The following SDC2 variants were observed in gnomAD, a reference collection of about 807,000 sequenced individuals.
The protein encoded by SDC2 is syndecan 2.
Under a neutral mutation model 22.2 loss-of-function variants are expected in SDC2, and 13 were observed. The ratio of observed to expected loss-of-function variants is 0.59; its 90% CI spans 0.38 to 0.93. SDC2 has a LOEUF of 0.93. Among genes scored for constraint, SDC2 ranks in the 40% least tolerant of loss-of-function variants. The pLI, the probability that SDC2 is intolerant of heterozygous loss-of-function variation, is 0.00. For missense variants in SDC2, 235 were observed against 246.8 expected (o/e 0.95, Z 0.32); for synonymous variants, 94 against 92.8 (o/e 1.01, Z -0.07).
At chr8:96,537,853 A>G (rs1813778258) in intron 1 of SDC2, among the ~76,000 whole-genome samples, 1 of 152,234 alleles carries the variant, frequency 6.6e-6, no homozygotes, top group African/African-American at 2.4e-5. Context: ...TCCTGACTTC[A>G]GGCCTAATTG....
At chr8:96,507,344 C>T (rs2515127) in intron 1 of SDC2, among the ~76,000 whole-genome samples, 111,002 of 152,192 alleles carry the variant, frequency 0.73, 40,936 homozygotes, top group African/African-American at 0.82. Context: ...ACATGTTTGA[C>T]AAATAAATGA....
At chr8:96,533,240 G>A (rs181505578) in intron 1 of SDC2, among the ~76,000 whole-genome samples, 4 of 152,248 alleles carry the variant, frequency 2.6e-5, no homozygotes, top group East Asian at 3.9e-4. Context: ...AGGGGGACCC[G>A]AGCAGGTTCC....
intron 1 of SDC2, among the ~76,000 whole-genome samples, chr8:96,565,531 A>G (rs1453089807): frequency 6.6e-6 from 1 of 152,196 alleles, no homozygotes; most frequent in Non-Finnish European, 1.5e-5. Flanking sequence ...ATCTATATGT[A>G]TATGTATTAG....
intron 1 of SDC2, among the ~76,000 whole-genome samples, chr8:96,510,270 C>T (rs1156989443): frequency 1.3e-5 from 2 of 152,142 alleles, no homozygotes; most frequent in South Asian, 2.1e-4. Context: ...TCTTACCGTA[C>T]CTGCACTTAA....
chr8:96,519,336 A>T (rs1476730263), intron 1 of SDC2, among the ~76,000 whole-genome samples: 1 of 152,182 alleles, frequency 6.6e-6, no homozygotes, highest in East Asian at 1.9e-4. Context: ...GTATTAGTAC[A>T]ATTGATTAGT....
At chr8:96,540,165 A>G (rs1267018027) in intron 1 of SDC2, among the ~76,000 whole-genome samples, 2 of 151,472 alleles carry the variant, frequency 1.3e-5, no homozygotes, top group African/African-American at 4.9e-5. Context: ...AAGAAAGAAA[A>G]AAAAAAGCCC....
intron 2 of SDC2, among the ~76,000 whole-genome samples, chr8:96,596,318 C>A (rs1048095519): frequency 6.6e-6 from 1 of 152,176 alleles, no homozygotes; most frequent in Non-Finnish European, 1.5e-5. Flanking sequence ...AGGGTTTGGC[C>A]AGTGTACCAG....
chr8:96,523,988 C>G (rs1813538124), intron 1 of SDC2, among the ~76,000 whole-genome samples: 1 of 152,138 alleles, frequency 6.6e-6, no homozygotes. Context: ...AAAAAGAAGT[C>G]CAGTCCAGGA....
chr8:96,598,243 A>G (rs1430283175), intron 2 of SDC2, among the ~76,000 whole-genome samples: 3 of 151,228 alleles, frequency 2.0e-5, no homozygotes, highest in African/African-American at 7.3e-5. Flanking sequence ...TCTTCTTAAT[A>G]CTATTGCATT....
In SDC2 at chr8:96,548,503, A is replaced by G. The variant is rs78741633; in HGVS notation, c.61-44977A>G. ...AAGGGTCAAAGAGAAAGTTCATTCT[A>G]AGAGTCACAGATGCTTTTTGCTGCA... is the stretch of plus-strand genomic sequence containing the variant. On this transcript the variant is annotated intron_variant, in intron 1 of 4. Transcript: ENST00000302190. 7.9e-5 allele frequency among the ~76,000 whole-genome samples: 12 copies of G among 152,348 alleles called. No homozygotes were observed. In the East Asian group the frequency reaches 2.3e-3, roughly 29 times the overall value.
chr8:96,609,305 G>T, intron 4 of SDC2, 80 bp from the exon 5 acceptor site: 1 of 1,168,114 alleles, frequency 8.6e-7, no homozygotes, highest in South Asian at 2.0e-5. Context: ...AAAAGTGTAA[G>T]TAGATTAGGC....
chr8:96,552,239 A>G (rs1161764113), intron 1 of SDC2, among the ~76,000 whole-genome samples: 1 of 152,074 alleles, frequency 6.6e-6, no homozygotes, highest in Non-Finnish European at 1.5e-5. Flanking sequence ...TAAAACCATA[A>G]CTTGTTTTTA....
At chr8:96,593,680 G>T in intron 2 of SDC2, 89 bp downstream of exon 2, 1 of 848,104 alleles carries the variant, frequency 1.2e-6, no homozygotes, top group East Asian at 2.5e-5. Flanking sequence ...GAGACAGGCA[G>T]GATGCACAGT....
rs74385761 is a variant in SDC2, at chr8:96,610,217, C to T, written c.*669C>T. 3 of 152,596 alleles carry T rather than the reference C, an allele frequency of 2.0e-5. No homozygotes were observed. The East Asian group carries it at 5.8e-4, about 30-fold the overall frequency. 9.5% of individuals were successfully genotyped at this position (152,596 alleles called of 1,614,324 possible). ...TAAAATTGGATTATTACTACAAAAC[C>T]GTTTAGTCATATCTATCTAATCAGA... On this transcript the variant is annotated 3_prime_UTR_variant, in exon 5 of 5. Transcript: ENST00000302190.
intron 2 of SDC2, among the ~76,000 whole-genome samples, chr8:96,601,201 G>A (rs1488011451): frequency 6.6e-6 from 1 of 152,146 alleles, no homozygotes; most frequent in African/African-American, 2.4e-5. Context: ...GTGCCATTGG[G>A]TGCTGTGGAT....
intron 2 of SDC2, among the ~76,000 whole-genome samples, chr8:96,595,327 G>T (rs1250431889): frequency 7.8e-6 from 1 of 127,926 alleles, no homozygotes; most frequent in East Asian, 1.9e-4. Flanking sequence ...CAGAAAGTCT[G>T]AGAAAGACAA....
At chr8:96,506,424 ATATATACT>A (rs1813239456) in intron 1 of SDC2, among the ~76,000 whole-genome samples, 1 of 151,930 alleles carries the variant, frequency 6.6e-6, no homozygotes. Flanking sequence ...TACATTTATA[ATATATACT>A]TATATATTAT....
At chr8:96,570,388 A>G (rs920623636) in intron 1 of SDC2, among the ~76,000 whole-genome samples, 7 of 152,238 alleles carry the variant, frequency 4.6e-5, no homozygotes, top group Non-Finnish European at 1.0e-4. Context: ...AAATATTTAT[A>G]TGATTGTATC....
At chr8:96,576,379 G>GTTTTTTTTTTTTTTTTTTTT (rs1365620450) in intron 1 of SDC2, among the ~76,000 whole-genome samples, 2 of 47,574 alleles carry the variant, frequency 4.2e-5, no homozygotes, top group African/African-American at 8.3e-5. Flanking sequence ...TTTTTGTTTT[G>GTTTTTTTTTTTTTTTTTTTT]TTTTGTTTTT....
Sources: gnomAD v4.1 joint callset for allele counts (sites outside exome capture counted in the v4.1 genomes callset) on GRCh38, gnomAD v4.1.1 for gene constraint, MANE v1.5 for transcripts, NCBI Gene and HGNC (gene_info 2026-07-23, HGNC 2026-07-21) for gene names.